The following SLC12A6 variants were observed in gnomAD, a reference collection of about 807,000 sequenced individuals.
The protein encoded by SLC12A6 is solute carrier family 12 member 6, also known as K-Cl cotransporter 3.
SLC12A6 carries 66 observed loss-of-function variants against 135.3 expected under a neutral mutation model. The ratio of observed to expected loss-of-function variants is 0.49; its 90% CI spans 0.40 to 0.60. The LOEUF is 0.60. Ranked by LOEUF, SLC12A6 falls within the 20% of genes least tolerant of loss-of-function variation. SLC12A6 has a pLI of 0.00. For synonymous variants in SLC12A6, 513 were observed against 508.8 expected (o/e 1.01, Z -0.11); for missense variants, 1,058 against 1,452.3 (o/e 0.73, Z 4.41).
In SLC12A6 at chr15:34,254,519, T is replaced by C. The variant is rs778730797; in HGVS notation, c.947A>G (p.Asn316Ser). ...DALKESAAML[N>S]NMRVYGTAFL... ...AGCTGTGCCGTAGACACGCATGTTA[T>C]TTAGCATGGCTGCTGATTCCTTGAG... Residue 316 changes from asparagine (N) to serine (S), a missense_variant, in exon 9 of 26, where the codon AAT (asparagine) becomes AGT (serine). Asn to Ser is a conservative substitution (Grantham distance 46, BLOSUM62 1). This residue lies in a region of SLC12A6 where 297 missense variants were observed against 318.5 expected (regional missense o/e 0.93). Transcript: ENST00000354181. 3 of 1,612,564 alleles carry C rather than the reference T, an allele frequency of 1.9e-6. No homozygotes were observed. Among genetic ancestry groups the C allele is most frequent in the Non-Finnish European group, 2.5e-6 (3 of 1,178,538 alleles).
At chr15:34,274,034 T>A (rs1269170985) in intron 3 of SLC12A6, among the ~76,000 whole-genome samples, 4 of 152,198 alleles carry the variant, frequency 2.6e-5, no homozygotes, top group African/African-American at 7.2e-5. Flanking sequence ...GACTGATATA[T>A]CTATCTTATA....
Position 34,242,237 on chromosome 15 carries a change from C to CA in SLC12A6, c.2043-17dup, listed in dbSNP as rs746113605. 6 of 1,578,272 alleles carry CA rather than the reference C, an allele frequency of 3.8e-6. No homozygotes were observed. The highest frequency in any genetic ancestry group is 5.2e-6 in the Non-Finnish European group (6 of 1,149,038). ...AGAAAGGGCCCTAGAAAATTAAAAA[C>CA]AAAAAAGTATCTTTTAAAGTAGCTG... On this transcript the variant is annotated splice_polypyrimidine_tract_variant and intron_variant, in intron 16 of 25. Transcript: ENST00000354181.
At chr15:34,283,747 A>G (rs1374016767) in intron 2 of SLC12A6, among the ~76,000 whole-genome samples, 1 of 148,892 alleles carries the variant, frequency 6.7e-6, no homozygotes, top group East Asian at 1.9e-4. Context: ...AAACGACTGA[A>G]AGGTTAGCAT....
intron 4 of SLC12A6, among the ~76,000 whole-genome samples, chr15:34,259,630 C>A (rs1044338166): frequency 6.6e-6 from 1 of 152,190 alleles, no homozygotes; most frequent in Admixed American, 6.5e-5. Flanking sequence ...CAGAGCAAGA[C>A]CCTGTCTCAA....
rs561385909 is a variant in SLC12A6, at chr15:34,280,444, T to A, written c.272-5055A>T. 1.3e-4 allele frequency among the ~76,000 whole-genome samples: 20 copies of A among 152,332 alleles called. No individual in the cohort carries two copies. The South Asian group carries it at 3.9e-3, about 30-fold the overall frequency. ...AAACAAACAACTGAAATGACTAGTCTTAACACGTAAGGCATTTCTAACTTT... is the reference window on the plus strand; with the variant it reads ...AAACAAACAACTGAAATGACTAGTCATAACACGTAAGGCATTTCTAACTTT... On this transcript the variant is annotated intron_variant, in intron 2 of 25. Transcript: ENST00000354181.
At position 34,248,958 on chromosome 15, in the gene SLC12A6, A is replaced by G. The variant is rs554942442; in HGVS notation, c.1649+1340T>C. ...CGTGGAGACATAATAAGACATATTAAACTCTAAGTTAGGGAGCTTATGAGG... is the reference window on the plus strand; with the variant it reads ...CGTGGAGACATAATAAGACATATTAGACTCTAAGTTAGGGAGCTTATGAGG... On this transcript the variant is annotated intron_variant, in intron 13 of 25. Transcript: ENST00000354181. Among the ~76,000 whole-genome samples the G allele has an allele frequency of 4.6e-5, 7 of 152,320 alleles. No individual in the cohort carries two copies. In the South Asian group the frequency reaches 1.2e-3, roughly 27 times the overall value.
chr15:34,234,560 C>T (rs1891127437), intron 25 of SLC12A6, among the ~76,000 whole-genome samples: 1 of 151,834 alleles, frequency 6.6e-6, no homozygotes, highest in African/African-American at 2.4e-5. Context: ...TTAGTGGAGA[C>T]GGGGTTTCAC....
intron 3 of SLC12A6, among the ~76,000 whole-genome samples, chr15:34,274,292 T>C (rs956618941): frequency 2.0e-5 from 3 of 152,122 alleles, no homozygotes; most frequent in Non-Finnish European, 4.4e-5. Flanking sequence ...ACCATTGATA[T>C]AAAAAGGAAA....
intron 15 of SLC12A6, among the ~76,000 whole-genome samples, chr15:34,244,744 C>A (rs547672715): frequency 3.9e-5 from 6 of 152,252 alleles, no homozygotes; most frequent in African/African-American, 1.2e-4. Context: ...AGCAAATAAC[C>A]AGTTATTCTT....
At chr15:34,264,640 T>G (rs1893371548) in intron 3 of SLC12A6, among the ~76,000 whole-genome samples, 1 of 152,112 alleles carries the variant, frequency 6.6e-6, no homozygotes, top group African/African-American at 2.4e-5. Context: ...AAACAAAAAA[T>G]AAGAGAAAAT....
intron 2 of SLC12A6, among the ~76,000 whole-genome samples, chr15:34,311,092 A>G (rs984869916): frequency 6.6e-6 from 1 of 152,112 alleles, no homozygotes; most frequent in South Asian, 2.1e-4. Flanking sequence ...ATGCTCTTCA[A>G]TACCAGTACA....
At position 34,237,564 on chromosome 15, in the gene SLC12A6, A is replaced by G; in HGVS notation, c.2803-14T>C. ...CTTTCGCCACACCTGAGAGAGTGAC[A>G]TACACATGTGAAAAATTAGAGCAAG... is the stretch of plus-strand genomic sequence containing the variant. On this transcript the variant is annotated splice_polypyrimidine_tract_variant and intron_variant, in intron 21 of 25. Transcript: ENST00000354181. The G allele has an allele frequency of 6.2e-7, 1 of 1,609,366 alleles. No individual in the cohort carries two copies. Among genetic ancestry groups the G allele is most frequent in the Non-Finnish European group, 8.5e-7 (1 of 1,176,378 alleles).
intron 2 of SLC12A6, among the ~76,000 whole-genome samples, chr15:34,281,182 C>G (rs1340879608): frequency 6.6e-6 from 1 of 151,944 alleles, no homozygotes; most frequent in Non-Finnish European, 1.5e-5. Context: ...ACTCAAATAG[C>G]TAGGAGGAGG....
chr15:34,275,403 A>T lies in SLC12A6; in HGVS notation c.272-14T>A. ...TCTGACTCAGGTCTGAAAAACAAACAATTGAAAAGAAAAGAAAAAAATGAA... is the reference window on the plus strand; with the variant it reads ...TCTGACTCAGGTCTGAAAAACAAACTATTGAAAAGAAAAGAAAAAAATGAA... On this transcript the variant is annotated splice_polypyrimidine_tract_variant and intron_variant, in intron 2 of 25. Transcript: ENST00000354181. 6.9e-7 allele frequency: 1 copy of T among 1,448,724 alleles called. No homozygotes were observed. The highest frequency in any genetic ancestry group is 9.7e-7 in the Non-Finnish European group (1 of 1,030,768). 89.7% of individuals were successfully genotyped at this position (1,448,724 alleles called of 1,614,324 possible).
chr15:34,236,920 C>T, intron 22 of SLC12A6, 105 bp from the exon 23 acceptor site: 1 of 726,100 alleles, frequency 1.4e-6, no homozygotes, highest in South Asian at 1.4e-5. Context: ...GACAGCATCA[C>T]TATATTAACC....
chr15:34,262,879 C>G (rs1330005715), intron 3 of SLC12A6, among the ~76,000 whole-genome samples: 1 of 152,208 alleles, frequency 6.6e-6, no homozygotes, highest in Admixed American at 6.5e-5. Flanking sequence ...CATTGGAGCG[C>G]AAGCCAGGCA....
chr15:34,314,354 C>T (rs573846258), intron 2 of SLC12A6, among the ~76,000 whole-genome samples: 24 of 152,198 alleles, frequency 1.6e-4, no homozygotes, highest in African/African-American at 5.1e-4. Flanking sequence ...GCTAGTTTAC[C>T]GAGTATTTTA....
chr15:34,322,060 C>A (rs1284158193), intron 2 of SLC12A6, among the ~76,000 whole-genome samples: 1 of 152,174 alleles, frequency 6.6e-6, no homozygotes, highest in Non-Finnish European at 1.5e-5. Flanking sequence ...CAGGTGCATG[C>A]ATTTATCAAA....
intron 3 of SLC12A6, among the ~76,000 whole-genome samples, chr15:34,271,364 T>C (rs946595019): frequency 2.2e-5 from 3 of 138,596 alleles, no homozygotes; most frequent in East Asian, 2.0e-4. Context: ...CTAAGTAAGG[T>C]TGGCCTATAC....
Sources: gnomAD v4.1 joint callset for allele counts (sites outside exome capture counted in the v4.1 genomes callset) on GRCh38, gnomAD v4.1.1 for gene constraint, gnomAD v4.1.1 regional missense constraint, MANE v1.5 for transcripts, NCBI Gene and HGNC (gene_info 2026-07-23, HGNC 2026-07-21) for gene names.